The following GRM1 variants were observed in gnomAD, a reference collection of about 807,000 sequenced individuals.
The protein encoded by GRM1 is metabotropic glutamate receptor 1.
GRM1 carries 33 observed loss-of-function variants against 90.9 expected under a neutral mutation model. That is an observed-to-expected ratio of 0.36 (90% CI 0.28 to 0.49). GRM1 has a LOEUF of 0.49. Ranked by LOEUF, GRM1 falls within the 20% of genes least tolerant of loss-of-function variation. The probability of loss-of-function intolerance (pLI) is 0.99; values close to 1 mark genes in which losing one functional copy is unlikely to be tolerated. For missense variants in GRM1, 1,190 were observed against 1,534.3 expected (o/e 0.78, Z 3.75); for synonymous variants, 700 against 613.2 (o/e 1.14, Z -2.09).
At chr6:146,044,297 T>C (rs959440448) in intron 1 of GRM1, among the ~76,000 whole-genome samples, 2 of 152,024 alleles carry the variant, frequency 1.3e-5, no homozygotes, top group African/African-American at 4.8e-5. Context: ...AGTCTGTTTG[T>C]AAAGTGACTG....
At chr6:146,380,967 C>T (rs889896379) in intron 5 of GRM1, among the ~76,000 whole-genome samples, 1 of 152,152 alleles carries the variant, frequency 6.6e-6, no homozygotes. Flanking sequence ...GGTGCCCTAT[C>T]CTGCTGTGGC....
chr6:146,391,358 G>A (rs996111816), intron 6 of GRM1, among the ~76,000 whole-genome samples: 1 of 152,046 alleles, frequency 6.6e-6, no homozygotes, highest in Admixed American at 6.6e-5. Flanking sequence ...TGATAGCTCT[G>A]AGTTCTCTGT....
At chr6:146,099,716 T>G (rs1386241227) in intron 1 of GRM1, among the ~76,000 whole-genome samples, 1 of 152,248 alleles carries the variant, frequency 6.6e-6, no homozygotes, top group African/African-American at 2.4e-5. Flanking sequence ...CATGCTGTTG[T>G]ATGTGACTTT....
chr6:146,182,476 C>A (rs1778584531), intron 2 of GRM1, among the ~76,000 whole-genome samples: 1 of 152,112 alleles, frequency 6.6e-6, no homozygotes, highest in South Asian at 2.1e-4. Flanking sequence ...AAATATACTT[C>A]AAAACTCATT....
chr6:146,319,992 C>A (rs1470340483), intron 3 of GRM1, among the ~76,000 whole-genome samples: 1 of 152,162 alleles, frequency 6.6e-6, no homozygotes, highest in Non-Finnish European at 1.5e-5. Flanking sequence ...CCAGAACTTC[C>A]AATACTACGT....
In GRM1 at chr6:146,155,490, C is replaced by T. The variant is rs527281791; in HGVS notation, c.701-3858C>T. On this transcript the variant is annotated intron_variant, in intron 1 of 7. Transcript: ENST00000282753. ...CAAAATCGCCTAACAACACATTTCT[C>T]GGAACATATCCCTGTGGTAAAGTGT... 5.1e-4 allele frequency among the ~76,000 whole-genome samples: 77 copies of T among 152,210 alleles called. No homozygotes were observed. The South Asian group carries it at 0.012, about 25-fold the overall frequency.
intron 2 of GRM1, among the ~76,000 whole-genome samples, chr6:146,275,437 C>G (rs1297185587): frequency 6.6e-6 from 1 of 152,062 alleles, no homozygotes; most frequent in African/African-American, 2.4e-5. Flanking sequence ...GCGTGGGAAT[C>G]AAGTTCATTT....
At chr6:146,271,086 C>T (rs1782143289) in intron 2 of GRM1, among the ~76,000 whole-genome samples, 3 of 151,530 alleles carry the variant, frequency 2.0e-5, no homozygotes, top group Admixed American at 1.3e-4. Context: ...CTCACTGCAA[C>T]CTTCACCTCC....
intron 1 of GRM1, among the ~76,000 whole-genome samples, chr6:146,070,537 G>A (rs1042657705): frequency 6.6e-6 from 1 of 151,974 alleles, no homozygotes; most frequent in Non-Finnish European, 1.5e-5. Flanking sequence ...ACGTAGTTTT[G>A]GTACCTGATT....
intron 3 of GRM1, among the ~76,000 whole-genome samples, chr6:146,312,098 T>C (rs968521453): frequency 6.6e-6 from 1 of 151,906 alleles, no homozygotes; most frequent in Non-Finnish European, 1.5e-5. Flanking sequence ...TCCCAGCACT[T>C]TGGGAGGCCG....
At chr6:146,122,839 C>CTTTTTTTTTTTTTTTTT (rs57859188) in intron 1 of GRM1, among the ~76,000 whole-genome samples, 25 of 62,196 alleles carry the variant, frequency 4.0e-4, no homozygotes, top group South Asian at 8.7e-4. Flanking sequence ...TCTTTTCTTT[C>CTTTTTTTTTTTTTTTTT]TTTTTTTTTT....
intron 2 of GRM1, among the ~76,000 whole-genome samples, chr6:146,192,177 C>T (rs891132894): frequency 1.3e-5 from 2 of 152,150 alleles, no homozygotes; most frequent in Admixed American, 1.3e-4. Context: ...TAATGTTCTG[C>T]CATCCTCCTT....
At chr6:146,389,015 A>G (rs1193712333) in intron 6 of GRM1, among the ~76,000 whole-genome samples, 1 of 151,786 alleles carries the variant, frequency 6.6e-6, no homozygotes, top group East Asian at 1.9e-4. Flanking sequence ...AGCTTTTCCA[A>G]CCTCATTTTG....
chr6:146,237,249 A>AT (rs1005518375), intron 2 of GRM1, among the ~76,000 whole-genome samples: 1 of 152,012 alleles, frequency 6.6e-6, no homozygotes, highest in African/African-American at 2.4e-5. Flanking sequence ...AGCAGGAGGA[A>AT]ATGGGAATTC....
intron 2 of GRM1, among the ~76,000 whole-genome samples, chr6:146,263,359 T>C (rs1781766872): frequency 6.6e-6 from 1 of 151,998 alleles, no homozygotes; most frequent in South Asian, 2.1e-4. Context: ...TGCAGTTTTG[T>C]AAAGGAAAAT....
chr6:146,239,037 A>G (rs1022173649), intron 2 of GRM1, among the ~76,000 whole-genome samples: 2 of 152,126 alleles, frequency 1.3e-5, no homozygotes, highest in African/African-American at 4.8e-5. Context: ...TCTAAGTTTG[A>G]CTCCAGAGAA....
At chr6:146,350,184 A>G (rs1054846372) in intron 3 of GRM1, among the ~76,000 whole-genome samples, 3 of 152,272 alleles carry the variant, frequency 2.0e-5, no homozygotes, top group Non-Finnish European at 2.9e-5. Context: ...GCACTGGCTT[A>G]AGAAATTTGT....
chr6:146,336,092 C>T (rs1176430203), intron 3 of GRM1, among the ~76,000 whole-genome samples: 2 of 152,178 alleles, frequency 1.3e-5, no homozygotes, highest in African/African-American at 4.8e-5. Flanking sequence ...ATAAATTACC[C>T]AGTCTTGGGT....
chr6:146,164,587 C>A (rs549262580), intron 2 of GRM1, among the ~76,000 whole-genome samples: 1 of 152,250 alleles, frequency 6.6e-6, no homozygotes, highest in Non-Finnish European at 1.5e-5. Flanking sequence ...AACAATTCAT[C>A]TGTAAAATTG....
Sources: allele counts gnomAD v4.1 joint callset (sites outside exome capture counted in the v4.1 genomes callset), GRCh38; gene constraint gnomAD v4.1.1; transcripts MANE v1.5; gene names NCBI Gene and HGNC (gene_info 2026-07-23, HGNC 2026-07-21).